DPP6: variants seen among roughly 807,000 people sequenced by gnomAD.
DPP6 encodes the protein A-type potassium channel modulatory protein DPP6.
DPP6 carries 69 observed loss-of-function variants against 122.6 expected under a neutral mutation model. The ratio of observed to expected loss-of-function variants is 0.56; its 90% confidence interval spans 0.46 to 0.69. The LOEUF (loss-of-function observed/expected upper bound fraction) is 0.69, where lower values mean the gene tolerates loss of function less well. Ranked by LOEUF, DPP6 falls within the 30% of genes least tolerant of loss-of-function variation. DPP6 has a pLI of 0.00. For missense variants in DPP6, 928 were observed against 1,116.9 expected, an observed-to-expected ratio of 0.83 and a Z score of 2.41; for synonymous variants, 418 against 433.1, an observed-to-expected ratio of 0.97 and a Z score of 0.43.
intron 8 of DPP6, among the ~76,000 whole-genome samples, chr7:154,729,763 G>C (rs993943462): frequency 6.6e-6 from 1 of 152,182 alleles, no homozygotes; most frequent in African/African-American, 2.4e-5. Context: ...TTCCAATGTG[G>C]CTGCCGGTGC....
chr7:154,582,217 T>C (rs889399245), intron 5 of DPP6, among the ~76,000 whole-genome samples: 12 of 152,178 alleles, frequency 7.9e-5, no homozygotes, highest in African/African-American at 2.9e-4. Flanking sequence ...GGCAAAACCC[T>C]GGAAACAGAA....
chr7:153,951,463 C>T (rs185231994), intron 1 of DPP6, among the ~76,000 whole-genome samples: 1 of 152,268 alleles, frequency 6.6e-6, no homozygotes, highest in Admixed American at 6.5e-5. Flanking sequence ...TTGAGCTCCA[C>T]TCTTTTCCAC....
chr7:153,860,544 C>G, the DPP6 span, among the ~76,000 whole-genome samples: 1 of 152,118 alleles, frequency 6.6e-6, no homozygotes, highest in East Asian at 1.9e-4. Flanking sequence ...AGGGCCTGCT[C>G]TCCTTCTGCA....
intron 4 of DPP6, among the ~76,000 whole-genome samples, chr7:154,545,158 C>A (rs545824373): frequency 2.1e-4 from 32 of 152,340 alleles, no homozygotes; most frequent in Admixed American, 5.9e-4. Context: ...CGGGACCTTA[C>A]ACTTTACTCT....
At chr7:153,937,735 C>T (rs953421391) in intron 1 of DPP6, among the ~76,000 whole-genome samples, 26 of 152,330 alleles carry the variant, frequency 1.7e-4, no homozygotes, top group Non-Finnish European at 2.5e-4. Context: ...GCATGAGCCA[C>T]TGTGCCCAGC....
chr7:154,437,893 C>T (rs764065017), intron 1 of DPP6, among the ~76,000 whole-genome samples: 31 of 152,152 alleles, frequency 2.0e-4, no homozygotes, highest in Middle Eastern at 3.4e-3. Flanking sequence ...GCCAAGATCA[C>T]GCCACTGCAC....
chr7:154,165,767 G>A, intron 1 of DPP6, among the ~76,000 whole-genome samples: 1 of 152,166 alleles, frequency 6.6e-6, no homozygotes, highest in East Asian at 1.9e-4. Context: ...GTGATGATGA[G>A]CATTTTTTCA....
chr7:153,944,171 C>T (rs927878157), intron 1 of DPP6, among the ~76,000 whole-genome samples: 1 of 152,222 alleles, frequency 6.6e-6, no homozygotes, highest in Non-Finnish European at 1.5e-5. Flanking sequence ...CCTTCCAGCA[C>T]AGCCGGGGCT....
At chr7:154,499,775 A>G (rs1451970925) in intron 3 of DPP6, among the ~76,000 whole-genome samples, 1 of 152,116 alleles carries the variant, frequency 6.6e-6, no homozygotes, top group Non-Finnish European at 1.5e-5. Flanking sequence ...CATACACTAT[A>G]TCATTCCATC....
At chr7:154,011,339 T>G (rs1303591823) in intron 1 of DPP6, among the ~76,000 whole-genome samples, 1 of 152,226 alleles carries the variant, frequency 6.6e-6, no homozygotes, top group Non-Finnish European at 1.5e-5. Flanking sequence ...TCCTTTCAGC[T>G]GGCGTTTGCA....
At chr7:154,748,817 G>A (rs531114984) in intron 8 of DPP6, among the ~76,000 whole-genome samples, 4 of 152,232 alleles carry the variant, frequency 2.6e-5, no homozygotes, top group Non-Finnish European at 4.4e-5. Context: ...GCCTTGTCCT[G>A]CAAGCCCAGT....
At chr7:154,474,878 G>A in intron 2 of DPP6, 61 bp from the exon 3 acceptor site, 1 of 1,271,158 alleles carries the variant, frequency 7.9e-7, no homozygotes, top group Non-Finnish European at 1.1e-6. Context: ...GAATGTTTAT[G>A]GTCCTCTCAT....
chr7:154,369,051 G>A (rs1812422116), intron 1 of DPP6, among the ~76,000 whole-genome samples: 1 of 152,108 alleles, frequency 6.6e-6, no homozygotes. Context: ...AGGCATTTAG[G>A]CCTAGAAGCT....
chr7:154,484,710 C>T (rs558091769), intron 3 of DPP6, among the ~76,000 whole-genome samples: 111 of 152,342 alleles, frequency 7.3e-4, no homozygotes, highest in African/African-American at 1.7e-3. Context: ...TGTTTGTTTA[C>T]GCTCATTTTC....
At chr7:154,463,195 C>CTTTTT (rs368362408) in intron 2 of DPP6, among the ~76,000 whole-genome samples, 1,754 of 84,110 alleles carry the variant, frequency 0.021, 38 homozygotes, top group Non-Finnish European at 0.029. Flanking sequence ...TTCTCCTTTT[C>CTTTTT]TTTTTTTTTT....
rs1834961155 is a variant in DPP6, at chr7:154,624,796, A to G, written c.628-13025A>G. On this transcript the variant is annotated intron_variant, in intron 5 of 25. Transcript: ENST00000377770. The surrounding 1 kb of genome is among the most constrained non-coding windows in gnomAD (Gnocchi z 4.7). ...GGGACCCCACCCCAGGATTCTTACCAGTAGTGATGGGTGAGAAACACTGGC... is the reference window on the plus strand; with the variant it reads ...GGGACCCCACCCCAGGATTCTTACCGGTAGTGATGGGTGAGAAACACTGGC... 6.6e-6 allele frequency among the ~76,000 whole-genome samples: 1 copy of G among 152,208 alleles called. No individual in the cohort carries two copies. Among genetic ancestry groups the G allele is most frequent in the Non-Finnish European group, 1.5e-5 (1 of 68,032 alleles).
intron 2 of DPP6, among the ~76,000 whole-genome samples, chr7:154,471,176 T>G (rs1822240276): frequency 6.6e-6 from 1 of 152,030 alleles, no homozygotes; most frequent in Non-Finnish European, 1.5e-5. Flanking sequence ...GTTTGAATGT[T>G]GGAGGCGGAG....
At chr7:154,703,448 A>G (rs1024541482) in intron 7 of DPP6, among the ~76,000 whole-genome samples, 4 of 152,092 alleles carry the variant, frequency 2.6e-5, no homozygotes, top group African/African-American at 9.6e-5. Context: ...GCAAAACCCC[A>G]TCTCTACTAA....
chr7:154,460,892 A>G (rs928100425), intron 2 of DPP6, among the ~76,000 whole-genome samples: 1 of 152,194 alleles, frequency 6.6e-6, no homozygotes, highest in Non-Finnish European at 1.5e-5. Flanking sequence ...AATGCATAAT[A>G]AAGTATTATT....
Sources: allele counts gnomAD v4.1 joint callset (sites outside exome capture counted in the v4.1 genomes callset), GRCh38; gene constraint gnomAD v4.1.1; non-coding constraint Gnocchi (gnomAD v3.1); transcripts MANE v1.5; gene names NCBI Gene and HGNC (gene_info 2026-07-23, HGNC 2026-07-21).